The following CMTM4 variants were observed in gnomAD, a reference collection of about 807,000 sequenced individuals.
CMTM4 encodes CKLF like MARVEL transmembrane domain containing 4.
Under a neutral mutation model 19.0 loss-of-function variants are expected in CMTM4, and 8 were observed. The ratio of observed to expected loss-of-function variants is 0.42; its 90% CI spans 0.25 to 0.76. The LOEUF (loss-of-function observed/expected upper bound fraction) is 0.76, where lower values mean the gene tolerates loss of function less well. CMTM4 is among the 30% of genes least tolerant of loss of function. The probability of loss-of-function intolerance (pLI) is 0.27; values close to 1 mark genes in which losing one functional copy is unlikely to be tolerated. For missense variants in CMTM4, 228 were observed against 290.2 expected, an observed-to-expected ratio of 0.79 and a Z score of 1.56; for synonymous variants, 106 against 121.1, an observed-to-expected ratio of 0.88 and a Z score of 0.82.
In CMTM4 at chr16:66,683,194, C is replaced by T. The variant is rs181413274; in HGVS notation, c.186+13146G>A. ...ATATATACATATGTATATATATATA[C>T]ATATATATATATATATAAATTTTCC... On this transcript the variant is annotated intron_variant, in intron 1 of 3. Coordinates refer to ENST00000394106, the MANE Select transcript of CMTM4 (RefSeq NM_181521.3). Among the ~76,000 whole-genome samples the T allele has an allele frequency of 6.5e-3, 699 of 107,176 alleles. 7 individuals carry two copies. Among genetic ancestry groups the T allele is most frequent in the South Asian group, 0.024 (78 of 3,280 alleles). The allele number at this position is 107,176 out of a possible 152,430, so 70.3% of individuals were successfully genotyped here. A position where few individuals can be genotyped will look rare whatever the true frequency, so the allele number is the denominator to read the frequency against.
At chr16:66,635,632 C>G (rs2015976891) in intron 2 of CMTM4, among the ~76,000 whole-genome samples, 1 of 152,228 alleles carries the variant, frequency 6.6e-6, no homozygotes, top group Admixed American at 6.5e-5. Context: ...AGCTGAGGTG[C>G]CCACGGCGTT....
At position 66,619,109 on chromosome 16, in the gene CMTM4, G is replaced by C. The variant is rs796734201; in HGVS notation, c.*2949C>G. The C allele has an allele frequency of 5.1e-6, 5 of 985,466 alleles. No individual in the cohort carries two copies. The African/African-American group carries it at 8.7e-5, about 17-fold the overall frequency. 61.0% of individuals were successfully genotyped at this position (985,466 alleles called of 1,614,324 possible). On this transcript the variant is annotated 3_prime_UTR_variant, in exon 4 of 4. Transcript: ENST00000394106. ...GCATCTGTTCTTCCCAGCTTTATGT[G>C]GGGCCAACAAGTATCTCCAGCCTTT...
downstream of CMTM4, among the ~76,000 whole-genome samples, chr16:66,612,157 G>A (rs2015400734): frequency 6.6e-6 from 1 of 152,208 alleles, no homozygotes; most frequent in South Asian, 2.1e-4. This position sits in a 1 kb window ranked among gnomAD's most constrained non-coding sequence, Gnocchi z 6.0. Context: ...GCTCACGCCT[G>A]TTACCCCAGC....
the CMTM4 span, among the ~76,000 whole-genome samples, chr16:66,607,723 G>C: frequency 6.6e-6 from 1 of 152,306 alleles, no homozygotes; most frequent in East Asian, 1.9e-4. Context: ...TGCTTGGAAG[G>C]CTGGGGCTTT....
rs898207981 is a variant in CMTM4 at position 66,615,413 on chromosome 16, C to A, written c.*6645G>T. ...TCAAGGGTTTTGGGACCAGACATAA[C>A]TCACGTCCTGCAGGAAGGAGAAGCA... is the stretch of plus-strand genomic sequence containing the variant. On this transcript the variant is annotated 3_prime_UTR_variant, in exon 4 of 4. Transcript: ENST00000394106. This position sits in a 1 kb window ranked among gnomAD's most constrained non-coding sequence, Gnocchi z 4.9. 4 of 152,256 alleles carry A rather than the reference C, an allele frequency of 2.6e-5. No homozygotes were observed. Among genetic ancestry groups the A allele is most frequent in the Non-Finnish European group, 5.9e-5 (4 of 68,072 alleles). 9.4% of individuals were successfully genotyped at this position (152,256 alleles called of 1,614,324 possible). A position where few individuals can be genotyped will look rare whatever the true frequency, so the allele number is the denominator to read the frequency against.
intron 2 of CMTM4, among the ~76,000 whole-genome samples, chr16:66,628,486 C>T (rs2015788607): frequency 6.6e-6 from 1 of 152,178 alleles, no homozygotes; most frequent in Non-Finnish European, 1.5e-5. Context: ...TGACTTTTAC[C>T]AAGCATACTG....
At chr16:66,631,232 C>T (rs570726730) in intron 2 of CMTM4, among the ~76,000 whole-genome samples, 7 of 149,692 alleles carry the variant, frequency 4.7e-5, no homozygotes, top group East Asian at 2.0e-4. Flanking sequence ...GCCCCCCGCC[C>T]GGCCAGCCGC....
At chr16:66,670,397 C>T (rs563567084) in intron 1 of CMTM4, among the ~76,000 whole-genome samples, 10 of 139,366 alleles carry the variant, frequency 7.2e-5, no homozygotes, top group East Asian at 4.2e-4. Context: ...GAGGCTGCAG[C>T]GAGCCAAGAT....
At chr16:66,683,314 C>T (rs1190430385) in intron 1 of CMTM4, among the ~76,000 whole-genome samples, 1 of 90,572 alleles carries the variant, frequency 1.1e-5, no homozygotes, top group East Asian at 3.8e-4. Flanking sequence ...TTTTTTGAGA[C>T]GGAGTCTTGC....
intron 1 of CMTM4, among the ~76,000 whole-genome samples, chr16:66,683,169 A>ATATGTG (rs1567432166): frequency 1.2e-5 from 1 of 84,466 alleles, no homozygotes; most frequent in African/African-American, 3.8e-5. Context: ...ACGTATATAT[A>ATATGTG]TATATACATA....
intron 1 of CMTM4, among the ~76,000 whole-genome samples, chr16:66,665,367 A>T (rs2016573352): frequency 6.6e-6 from 1 of 152,100 alleles, no homozygotes; most frequent in Non-Finnish European, 1.5e-5. Flanking sequence ...CATAGGATAA[A>T]ATCTTTATAA....
chr16:66,629,339 G>T (rs765993710), intron 2 of CMTM4, among the ~76,000 whole-genome samples: 1 of 152,062 alleles, frequency 6.6e-6, no homozygotes, highest in Non-Finnish European at 1.5e-5. Flanking sequence ...AGGATCAAAG[G>T]GACAATTATA....
At chr16:66,686,662 T>C (rs148574948) in intron 1 of CMTM4, among the ~76,000 whole-genome samples, 1 of 152,152 alleles carries the variant, frequency 6.6e-6, no homozygotes, top group Non-Finnish European at 1.5e-5. Flanking sequence ...CAGTTGTCTG[T>C]ACTTGTGGGT....
intron 1 of CMTM4, among the ~76,000 whole-genome samples, chr16:66,692,097 G>GC: frequency 6.8e-6 from 1 of 146,180 alleles, no homozygotes; most frequent in Non-Finnish European, 1.5e-5. Context: ...AGGTTTTGTT[G>GC]TTTTTTTTTT....
intron 1 of CMTM4, 136 bp from the exon 2 acceptor site, chr16:66,636,717 T>C: frequency 1.4e-6 from 1 of 690,102 alleles, no homozygotes; most frequent in Non-Finnish European, 2.4e-6. Flanking sequence ...GCAGTGTAAC[T>C]GTCGGAAATC....
At position 66,668,808 on chromosome 16, in the gene CMTM4, A is replaced by T. The variant is rs373668928; in HGVS notation, c.186+27532T>A. ...TTTCTCATCTGCGTCAACAAAAAGA[A>T]TATTACAACAGCTTTAAAAAAAAGG... On this transcript the variant is annotated intron_variant, in intron 1 of 3. Coordinates refer to ENST00000394106, the MANE Select transcript of CMTM4 (RefSeq NM_181521.3). Among the ~76,000 whole-genome samples, 5 of 151,890 alleles carry T rather than the reference A, an allele frequency of 3.3e-5. No homozygotes were observed. The East Asian group carries it at 5.8e-4, about 18-fold the overall frequency.
chr16:66,686,591 GAATT>G (rs1433037112), intron 1 of CMTM4, among the ~76,000 whole-genome samples: 2 of 146,848 alleles, frequency 1.4e-5, no homozygotes, highest in Non-Finnish European at 3.0e-5. Flanking sequence ...TGTGGAGAAA[GAATT>G]AATTTAGCCC....
chr16:66,609,160 G>A, the CMTM4 span, among the ~76,000 whole-genome samples: 2 of 151,774 alleles, frequency 1.3e-5, no homozygotes, highest in African/African-American at 2.4e-5. The surrounding 1 kb of genome is among the most constrained non-coding windows in gnomAD (Gnocchi z 4.4). Flanking sequence ...CCACCGCATC[G>A]CAGGGCAGGC....
chr16:66,646,768 G>A (rs548623839), intron 1 of CMTM4, among the ~76,000 whole-genome samples: 2 of 150,100 alleles, frequency 1.3e-5, no homozygotes, highest in Admixed American at 1.3e-4. Context: ...GTGCAATGGT[G>A]CGATCTTGGC....
Sources: allele counts gnomAD v4.1 joint callset (sites outside exome capture counted in the v4.1 genomes callset), GRCh38; gene constraint gnomAD v4.1.1; non-coding constraint Gnocchi (gnomAD v3.1); transcripts MANE v1.5; gene names NCBI Gene and HGNC (gene_info 2026-07-23, HGNC 2026-07-21).